Variants in LYST observed in about 807,000 individuals in gnomAD.
LYST encodes lysosomal trafficking regulator, also known as lysosomal-trafficking regulator.
A neutral mutation model predicts 413.6 loss-of-function variants in LYST; 192 were observed. That is an observed-to-expected ratio of 0.46 (90% CI 0.41 to 0.52). The LOEUF (loss-of-function observed/expected upper bound fraction) is 0.52, where lower values mean the gene tolerates loss of function less well. LYST is among the 20% of genes least tolerant of loss of function. The probability of loss-of-function intolerance (pLI) is 0.00; values close to 1 mark genes in which losing one functional copy is unlikely to be tolerated. For missense variants in LYST, 3,815 were observed against 4,499.9 expected (o/e 0.85, Z 4.35); for synonymous variants, 1,525 against 1,567.3 (o/e 0.97, Z 0.64).
intron 21 of LYST, among the ~76,000 whole-genome samples, chr1:235,763,289 C>A (rs1667775249): frequency 6.6e-6 from 1 of 152,144 alleles, no homozygotes; most frequent in Non-Finnish European, 1.5e-5. Flanking sequence ...TGCTTGGTTT[C>A]TTAAACAAAT....
intron 46 of LYST, among the ~76,000 whole-genome samples, 154 bp downstream of exon 46, chr1:235,696,929 G>T (rs900033927): frequency 6.6e-5 from 10 of 152,154 alleles, no homozygotes; most frequent in Admixed American, 3.9e-4. Context: ...GTTTTTTCAT[G>T]TAGCATGTTT....
chr1:235,705,661 T>C (rs763899390), intron 44 of LYST, among the ~76,000 whole-genome samples: 56 of 152,112 alleles, frequency 3.7e-4, no homozygotes, highest in Admixed American at 2.6e-4. Flanking sequence ...ATTTGGGTTA[T>C]AGGCATTAGC....
In LYST at chr1:235,809,110, A is replaced by G; in HGVS notation, c.1708T>C (p.Cys570Arg). The G allele has an allele frequency of 6.2e-7, 1 of 1,614,144 alleles. No homozygotes were observed. The highest frequency in any genetic ancestry group is 8.5e-7 in the Non-Finnish European group (1 of 1,179,994). Residue 570 changes from cysteine to arginine, a missense_variant, in exon 5 of 53, where the codon TGT becomes CGT. By Grantham distance (180) the Cys-to-Arg change is radical. Around this residue, in one of 4 missense-constraint regions of LYST, gnomAD observed 1,648 missense variants for 1,810.3 expected, o/e 0.91. Coordinates refer to ENST00000389793, the MANE Select transcript of LYST (RefSeq NM_000081.4). This position sits in a 1 kb window ranked among gnomAD's most constrained non-coding sequence, Gnocchi z 4.0. The stretch of plus-strand genomic sequence containing the variant: ...TGAACACCCGATAGGATCTGGACAC[A>G]AGTGCTGCTCAAGGAAGCCTGCTGT... ...LLQQASLSST[C>R]VQILSGVHNI...
intron 39 of LYST, 47 bp from the exon 40 acceptor site, chr1:235,720,952 T>C: frequency 6.3e-7 from 1 of 1,587,274 alleles, no homozygotes; most frequent in Non-Finnish European, 8.6e-7. Context: ...TTTTTAGTCT[T>C]ATTGGCACTT....
chr1:235,677,509 G>A lies in LYST; in HGVS notation c.10911C>T (p.Asp3637=), dbSNP rs755082237. 12 of 1,613,530 alleles carry A rather than the reference G, an allele frequency of 7.4e-6. No homozygotes were observed. Among genetic ancestry groups the A allele is most frequent in the African/African-American group, 5.3e-5 (4 of 74,910 alleles). The change falls in exon 49 of 53, where the codon GAC becomes GAT. Residue 3637 remains aspartate, a synonymous_variant. Coordinates refer to ENST00000389793, the MANE Select transcript of LYST (RefSeq NM_000081.4). The part of the protein sequence containing the change: ...PYSILISVSR[D]GTCIIWDLNR... ...TTAAATCCCATATGATGCAGGTTCC[G>A]TCTCTGCTCACACTTATCAGTATAC...
intron 3 of LYST, among the ~76,000 whole-genome samples, chr1:235,822,626 G>A (rs557098229): frequency 1.4e-4 from 22 of 152,318 alleles, no homozygotes; most frequent in African/African-American, 5.3e-4. Context: ...GGGAGTGAGT[G>A]TAGGAGGAAT....
Position 235,814,647 on chromosome 1 carries a change from C to T in LYST, c.193-1586G>A, listed in dbSNP as rs147355753. Among the ~76,000 whole-genome samples, 150 of 152,170 alleles carry T rather than the reference C, an allele frequency of 9.9e-4. 1 individual carries two copies. The East Asian group carries it at 0.021, about 21-fold the overall frequency. ...AGTAACTGGAATGCCCCTTAACTAA[C>T]GGCTTTAATGGAGTGATTTGACTGC... On this transcript the variant is annotated intron_variant, in intron 3 of 52. Transcript: ENST00000389793.
chr1:235,716,046 A>G lies in LYST; in HGVS notation c.9627+666T>C, dbSNP rs373497378. 1.8e-4 allele frequency among the ~76,000 whole-genome samples: 28 copies of G among 152,300 alleles called. 2 individuals are homozygous for G. Among genetic ancestry groups the G allele is most frequent in the Admixed American group, 1.7e-3 (26 of 15,306 alleles). On this transcript the variant is annotated intron_variant, in intron 41 of 52. Coordinates refer to ENST00000389793, the MANE Select transcript of LYST (RefSeq NM_000081.4). The stretch of plus-strand genomic sequence containing the variant: ...AGAGTTACTTCTTGATTTCCACAGC[A>G]ATGACGCATTTTCAACTGCTGAAGA...
chr1:235,722,970 A>G (rs954816273), intron 39 of LYST, among the ~76,000 whole-genome samples: 13 of 152,212 alleles, frequency 8.5e-5, no homozygotes, highest in African/African-American at 2.7e-4. Flanking sequence ...GGCTACTGTA[A>G]ATGATTCTGG....
chr1:235,828,800 T>C, intron 3 of LYST: 1 of 789,556 alleles, frequency 1.3e-6, no homozygotes, highest in Non-Finnish European at 1.5e-6. Flanking sequence ...ATACATGGTC[T>C]AACATGATTT....
intron 18 of LYST, 121 bp downstream of exon 18, chr1:235,774,792 A>G: frequency 1.5e-6 from 1 of 670,098 alleles, no homozygotes; most frequent in South Asian, 1.8e-5. Flanking sequence ...CTATACACTA[A>G]TAAGTTTCCT....
At chr1:235,811,828 A>G (rs1009144856) in intron 4 of LYST, among the ~76,000 whole-genome samples, 3 of 152,164 alleles carry the variant, frequency 2.0e-5, no homozygotes, top group Non-Finnish European at 4.4e-5. Context: ...CCCAAAGAGC[A>G]TTAATCAGAT....
intron 21 of LYST, among the ~76,000 whole-genome samples, chr1:235,765,060 C>T (rs574065136): frequency 2.0e-5 from 3 of 152,298 alleles, no homozygotes; most frequent in African/African-American, 7.2e-5. Flanking sequence ...TCAGTGGTCT[C>T]ATCTGTTCTC....
Position 235,724,198 on chromosome 1 carries a change from GCA to G in LYST, c.9163-20_9163-19del, listed in dbSNP as rs1558154054. On this transcript the variant is annotated intron_variant, in intron 38 of 52. Coordinates refer to ENST00000389793, the MANE Select transcript of LYST (RefSeq NM_000081.4). ...TGAAGGCTCTAAGACAAAGAAATAG[GCA>G]AAAATATTTGTTTTACCGGAAATAT... 1 of 1,599,174 alleles carries G rather than the reference GCA, an allele frequency of 6.3e-7. No homozygotes were observed. The highest frequency in any genetic ancestry group is 1.3e-5 in the African/African-American group (1 of 74,600).
intron 3 of LYST, among the ~76,000 whole-genome samples, chr1:235,820,489 C>T (rs979561814): frequency 5.3e-5 from 8 of 152,076 alleles, no homozygotes; most frequent in African/African-American, 1.9e-4. Flanking sequence ...CCCGCCCCAG[C>T]CTCCCAAGTA....
rs551136147 is a variant in LYST, at chr1:235,723,784, G to A, written c.9315+244C>T. Among the ~76,000 whole-genome samples the A allele has an allele frequency of 7.0e-4, 107 of 152,254 alleles. No homozygotes were observed. The South Asian group carries it at 0.02, about 29-fold the overall frequency. On this transcript the variant is annotated intron_variant, in intron 39 of 52. Coordinates refer to ENST00000389793, the MANE Select transcript of LYST (RefSeq NM_000081.4). ...GAGGTCAAGAGAGTTTGTCAAAGAT[G>A]GACCCTGCTACAGCACTGAGCAAGT...
rs1672145807 is a variant in LYST, at chr1:235,800,954, G to A, written c.3856C>T (p.Leu1286Phe). ...TCAAATACATGGGCAAGCACATCAA[G>A]TTTGGCTTTACTAGCAGAAAGCAAA... ...LNLLSASKAK[L>F]DVLAHVFESF... is the part of the protein sequence containing the mutation. The change falls in exon 9 of 53, where the codon CTT becomes TTT. Residue 1286 changes from leucine (L) to phenylalanine (F), a missense_variant. Around this residue, in one of 4 missense-constraint regions of LYST, gnomAD observed 1,648 missense variants for 1,810.3 expected, o/e 0.91. Transcript: ENST00000389793. The A allele has an allele frequency of 6.2e-7, 1 of 1,613,744 alleles. No individual in the cohort carries two copies. The highest frequency in any genetic ancestry group is 8.5e-7 in the Non-Finnish European group (1 of 1,179,792).
intron 3 of LYST, among the ~76,000 whole-genome samples, chr1:235,824,382 A>C (rs1675098859): frequency 6.6e-6 from 1 of 152,250 alleles, no homozygotes; most frequent in South Asian, 2.1e-4. Context: ...GCATAGAAGA[A>C]ACCAGAAGCC....
chr1:235,805,349 G>A (rs1672698145), intron 6 of LYST, among the ~76,000 whole-genome samples: 1 of 152,128 alleles, frequency 6.6e-6, no homozygotes, highest in African/African-American at 2.4e-5. Flanking sequence ...TTAGCTATGA[G>A]CATCCTTCCC....
Sources: allele counts gnomAD v4.1 joint callset (sites outside exome capture counted in the v4.1 genomes callset), GRCh38; gene constraint gnomAD v4.1.1; regional missense constraint gnomAD v4.1.1; non-coding constraint Gnocchi (gnomAD v3.1); transcripts MANE v1.5; gene names NCBI Gene and HGNC (gene_info 2026-07-23, HGNC 2026-07-21).